Variants in TFE3 observed in about 807,000 individuals in gnomAD.
The protein encoded by TFE3 is transcription factor E3.
Under a neutral mutation model 35.0 loss-of-function variants are expected in TFE3, and 5 were observed. The ratio of observed to expected loss-of-function variants is 0.14; its 90% CI spans 0.07 to 0.30. TFE3 has a LOEUF of 0.30. Ranked by LOEUF, TFE3 falls within the 10% of genes least tolerant of loss-of-function variation. The pLI, the probability that TFE3 is intolerant of heterozygous loss-of-function variation, is 1.00. For missense variants in TFE3, 374 were observed against 496.6 expected (o/e 0.75, Z 2.35); for synonymous variants, 211 against 215.6 (o/e 0.98, Z 0.18).
rs2064769692 is a variant in TFE3, at chrX:49,043,274, CG to C, written c.-49del. 1.0e-6 allele frequency: 1 copy of C among 987,059 alleles called. No individual in the cohort carries two copies. Among genetic ancestry groups the C allele is most frequent in the Non-Finnish European group, 1.4e-6 (1 of 740,669 alleles). 81.3% of individuals were successfully genotyped at this position (987,059 alleles called of 1,213,427 possible). On this transcript the variant is annotated 5_prime_UTR_variant, in exon 1 of 10. Coordinates refer to ENST00000315869, the MANE Select transcript of TFE3 (RefSeq NM_006521.6). The stretch of plus-strand genomic sequence containing the variant: ...CTGCCAGGCCGGTCGGGCCTCGGCC[CG>C]GTCCCCCTAACAAAATAAGAGTCCC...
In TFE3 at chrX:49,037,866, A is replaced by G. The variant is rs2064738928; in HGVS notation, c.885+144T>C. 4 of 508,323 alleles carry G rather than the reference A, an allele frequency of 7.9e-6. No homozygotes were observed. The South Asian group carries it at 1.2e-4, about 16-fold the overall frequency. The allele number at this position is 508,323 out of a possible 1,213,427, so 41.9% of individuals were successfully genotyped here. A position where few individuals can be genotyped will look rare whatever the true frequency, so the allele number is the denominator to read the frequency against. ...CAAGGTCCAAAGGCATTGTTGACAT[A>G]CCCTGTTCTCGTCATAAGGCCTCCC... On this transcript the variant is annotated intron_variant, in intron 5 of 9. Transcript: ENST00000315869.
chrX:49,033,206 GA>G (rs1294324480), intron 8 of TFE3, among the ~76,000 whole-genome samples: 1 of 111,511 alleles, frequency 9.0e-6, no homozygotes, highest in East Asian at 2.8e-4. Context: ...AAAAAAAAAG[GA>G]AGTACTAAGT....
At chrX:49,040,654 A>C in intron 1 of TFE3, 86 bp from the exon 2 acceptor site, 1 of 647,181 alleles carries the variant, frequency 1.5e-6, no homozygotes, top group Non-Finnish European at 2.5e-6. Context: ...AGAGAGAGAG[A>C]GGGGGGGAGA....
Position 49,030,227 on chromosome X carries a change from A to G in TFE3, c.1659T>C (p.Ser553=). The part of the protein sequence containing the change: ...PLRAASDPLL[S]SVSPAVSKAS... ...CCTTGGAGACAGCAGGGGACACTGA[A>G]GAGAGCAGGGGATCGGAGGCAGCCC... Residue 553 remains serine, a synonymous_variant, in exon 10 of 10, where the codon TCT becomes TCC. Coordinates refer to ENST00000315869, the MANE Select transcript of TFE3 (RefSeq NM_006521.6). 2.5e-6 allele frequency: 3 copies of G among 1,209,672 alleles called. No individual in the cohort carries two copies. The highest frequency in any genetic ancestry group is 3.4e-6 in the Non-Finnish European group (3 of 894,437).
rs1557073071 is a variant in TFE3 at position 49,028,775 on chromosome X, A to G, written c.*1383T>C. The G allele has an allele frequency of 6.0e-6, 1 of 166,366 alleles. No homozygotes were observed. Among genetic ancestry groups the G allele is most frequent in the Non-Finnish European group, 1.2e-5 (1 of 86,404 alleles). The allele number at this position is 166,366 out of a possible 1,213,427, so 13.7% of individuals were successfully genotyped here. Reference sequence around the variant, plus strand: ...AACACGCCTAGCTTTTATTATTTTAATCACAAACCTATAGACCCCTCAGTA... The same window carrying G: ...AACACGCCTAGCTTTTATTATTTTAGTCACAAACCTATAGACCCCTCAGTA... On this transcript the variant is annotated 3_prime_UTR_variant, in exon 10 of 10. Transcript: ENST00000315869.
chrX:49,031,257 A>G lies in TFE3; in HGVS notation c.1284+140T>C. 4 of 570,886 alleles carry G rather than the reference A, an allele frequency of 7.0e-6. No homozygotes were observed. In the South Asian group the frequency reaches 1.5e-4, roughly 22 times the overall value. The allele number at this position is 570,886 out of a possible 1,213,427, so 47.0% of individuals were successfully genotyped here. A position where few individuals can be genotyped will look rare whatever the true frequency, so the allele number is the denominator to read the frequency against. The stretch of plus-strand genomic sequence containing the variant: ...ATTATGATTATTATTTATCATTATC[A>G]CTATCATCATCGTGTGATCTGGGAA... On this transcript the variant is annotated intron_variant, in intron 9 of 9. Transcript: ENST00000315869.
Position 49,036,492 on chromosome X carries a change from A to T in TFE3, c.885+1518T>A, listed in dbSNP as rs1252668171. Among the ~76,000 whole-genome samples, 5 of 14,059 alleles carry T rather than the reference A, an allele frequency of 3.6e-4. No homozygotes were observed. The Admixed American group carries it at 6.6e-3, about 18-fold the overall frequency. The allele number at this position is 14,059 out of a possible 115,157, so 12.2% of individuals were successfully genotyped here. A position where few individuals can be genotyped will look rare whatever the true frequency, so the allele number is the denominator to read the frequency against. ...AAAAAAAAAAAAAAAATTCAATAAAAAATAAATAAATAAATAAATAAAGCA... is the reference window on the plus strand; with the variant it reads ...AAAAAAAAAAAAAAAATTCAATAAATAATAAATAAATAAATAAATAAAGCA... On this transcript the variant is annotated intron_variant, in intron 5 of 9. Coordinates refer to ENST00000315869, the MANE Select transcript of TFE3 (RefSeq NM_006521.6).
chrX:49,029,232 TGCC>T lies in TFE3; in HGVS notation c.*923_*925del. On this transcript the variant is annotated 3_prime_UTR_variant, in exon 10 of 10. Coordinates refer to ENST00000315869, the MANE Select transcript of TFE3 (RefSeq NM_006521.6). ...CCCCTCAAGGAAGAAGGCAGGACTC[TGCC>T]CAAGGGTGGGGGCCTCTCACTCCAG... 5.6e-6 allele frequency: 1 copy of T among 178,157 alleles called. No individual in the cohort carries two copies. Among genetic ancestry groups the T allele is most frequent in the Non-Finnish European group, 1.1e-5 (1 of 92,720 alleles). The allele number at this position is 178,157 out of a possible 1,213,427, so 14.7% of individuals were successfully genotyped here.
intron 8 of TFE3, chrX:49,031,847 G>GA (rs1459682244): frequency 5.5e-6 from 1 of 183,422 alleles, no homozygotes; most frequent in Non-Finnish European, 1.0e-5. Flanking sequence ...CTAGAATATG[G>GA]AAAACCACTC....
In TFE3 at chrX:49,043,274, C is replaced by T; in HGVS notation, c.-48G>A. The T allele has an allele frequency of 1.0e-6, 1 of 988,573 alleles. No homozygotes were observed. Among genetic ancestry groups the T allele is most frequent in the Non-Finnish European group, 1.3e-6 (1 of 741,022 alleles). The allele number at this position is 988,573 out of a possible 1,213,427, so 81.5% of individuals were successfully genotyped here. A position where few individuals can be genotyped will look rare whatever the true frequency, so the allele number is the denominator to read the frequency against. On this transcript the variant is annotated 5_prime_UTR_variant, in exon 1 of 10. Coordinates refer to ENST00000315869, the MANE Select transcript of TFE3 (RefSeq NM_006521.6). ...CTGCCAGGCCGGTCGGGCCTCGGCC[C>T]GGTCCCCCTAACAAAATAAGAGTCC... is the stretch of plus-strand genomic sequence containing the variant.
intron 6 of TFE3, 122 bp downstream of exon 6, chrX:49,034,012 A>G (rs1390801860): frequency 1.1e-5 from 7 of 661,214 alleles, no homozygotes; most frequent in Non-Finnish European, 1.2e-5. Context: ...GGGGACAAAC[A>G]GCCTCCATTT....
At position 49,029,802 on chromosome X, in the gene TFE3, T is replaced by C. The variant is rs966371202; in HGVS notation, c.*356A>G. ...CAGGAGACCTGGCTAGGACAGTCCC[T>C]AGGGGACAGGGTCGAGACCTCATCC... On this transcript the variant is annotated 3_prime_UTR_variant, in exon 10 of 10. Transcript: ENST00000315869. 4 of 473,692 alleles carry C rather than the reference T, an allele frequency of 8.4e-6. No homozygotes were observed. The highest frequency in any genetic ancestry group is 7.0e-4 in the Middle Eastern group (2 of 2,840). The allele number at this position is 473,692 out of a possible 1,213,427, so 39.0% of individuals were successfully genotyped here. A position where few individuals can be genotyped will look rare whatever the true frequency, so the allele number is the denominator to read the frequency against.
chrX:49,039,158 G>T lies in TFE3; in HGVS notation c.483C>A (p.Gly161=). ...CAGGGGGTGGACGGCTCAATGTGTG[G>T]CCCCCAGCAGAGACGCCAACCACAG... The part of the protein sequence containing the change: ...AISVVGVSAG[G]HTLSRPPPAQ... The change falls in exon 3 of 10, where the codon GGC becomes GGA. Residue 161 remains glycine, a synonymous_variant. Coordinates refer to ENST00000315869, the MANE Select transcript of TFE3 (RefSeq NM_006521.6). 8.4e-7 allele frequency: 1 copy of T among 1,197,104 alleles called. No homozygotes were observed.
chrX:49,037,529 T>C, intron 5 of TFE3, among the ~76,000 whole-genome samples: 1 of 109,049 alleles, frequency 9.2e-6, no homozygotes, highest in Non-Finnish European at 1.9e-5. Context: ...TGAAACCCCG[T>C]CTCTACTAAA....
intron 3 of TFE3, 38 bp downstream of exon 3, chrX:49,039,069 C>G (rs958288530): frequency 1.8e-6 from 2 of 1,115,970 alleles, no homozygotes; most frequent in Non-Finnish European, 2.4e-6. Flanking sequence ...CCTCAGTCAC[C>G]AGGAGCCCCC....
intron 5 of TFE3, among the ~76,000 whole-genome samples, chrX:49,036,575 C>T (rs782271311): frequency 1.8e-5 from 2 of 109,812 alleles, no homozygotes; most frequent in East Asian, 5.7e-4. Context: ...GAGGCCGAGG[C>T]AGGCAGATCA....
chrX:49,034,704 G>A (rs1190943434), intron 5 of TFE3, among the ~76,000 whole-genome samples: 1 of 111,861 alleles, frequency 8.9e-6, no homozygotes, highest in Non-Finnish European at 1.9e-5. Flanking sequence ...AATCTTCTCC[G>A]ACCTTGGTAA....
intron 5 of TFE3, among the ~76,000 whole-genome samples, chrX:49,035,483 T>C (rs1178815427): frequency 1.2e-5 from 1 of 80,972 alleles, no homozygotes; most frequent in Non-Finnish European, 2.2e-5. Flanking sequence ...CTCGGCTCAC[T>C]GCAAGCTCTG....
chrX:49,032,768 G>A (rs2064706799), intron 8 of TFE3, among the ~76,000 whole-genome samples: 1 of 109,253 alleles, frequency 9.2e-6, no homozygotes, highest in Non-Finnish European at 1.9e-5. Context: ...TCCACCTCCC[G>A]GGTTCAAGTG....
Sources: gnomAD v4.1 joint callset for allele counts (sites outside exome capture counted in the v4.1 genomes callset) on GRCh38, gnomAD v4.1.1 for gene constraint, MANE v1.5 for transcripts, NCBI Gene and HGNC (gene_info 2026-07-23, HGNC 2026-07-21) for gene names.